SHROOM4: variants seen among roughly 807,000 people sequenced by gnomAD.
SHROOM4 encodes the protein shroom family member 4.
SHROOM4 carries 17 observed loss-of-function variants against 80.3 expected under a neutral mutation model. The ratio of observed to expected loss-of-function variants is 0.21; its 90% CI spans 0.14 to 0.32. The LOEUF (loss-of-function observed/expected upper bound fraction) is 0.32, where lower values mean the gene tolerates loss of function less well. Among genes scored for constraint, SHROOM4 ranks in the 10% least tolerant of loss-of-function variants. The pLI, the probability that SHROOM4 is intolerant of heterozygous loss-of-function variation, is 1.00. For missense variants in SHROOM4, 993 were observed against 1,140.3 expected, an observed-to-expected ratio of 0.87 and a Z score of 1.86; for synonymous variants, 400 against 437.5, an observed-to-expected ratio of 0.91 and a Z score of 1.07.
intron 6 of SHROOM4, among the ~76,000 whole-genome samples, chrX:50,603,212 C>T (rs1199515994): frequency 9.0e-6 from 1 of 111,355 alleles, no homozygotes; most frequent in Non-Finnish European, 1.9e-5. Context: ...TCTATTGGTT[C>T]TCCAAGCCTG....
At chrX:50,711,719 T>A (rs1056326129) in intron 1 of SHROOM4, among the ~76,000 whole-genome samples, 3 of 112,151 alleles carry the variant, frequency 2.7e-5, no homozygotes, top group Non-Finnish European at 3.8e-5. Context: ...ATTAGTAGAA[T>A]CTAGGTGATG....
At chrX:50,636,226 C>T (rs1264582516) in intron 3 of SHROOM4, among the ~76,000 whole-genome samples, 2 of 110,949 alleles carry the variant, frequency 1.8e-5, no homozygotes, top group Admixed American at 1.9e-4. Flanking sequence ...CTTCCAACAA[C>T]TTCCCAGGTG....
chrX:50,686,059 G>T (rs1933063243), intron 2 of SHROOM4, among the ~76,000 whole-genome samples: 1 of 110,847 alleles, frequency 9.0e-6, no homozygotes, highest in Non-Finnish European at 1.9e-5. Context: ...ACAGAGTCTG[G>T]CTCTGTCTTC....
At chrX:50,659,753 C>T (rs1457828604) in intron 2 of SHROOM4, among the ~76,000 whole-genome samples, 1 of 111,616 alleles carries the variant, frequency 9.0e-6, no homozygotes, top group African/African-American at 3.3e-5. Context: ...CCATTTCCAG[C>T]TGTATGTCCT....
At chrX:50,710,051 G>T (rs1245710614) in intron 1 of SHROOM4, among the ~76,000 whole-genome samples, 3 of 112,040 alleles carry the variant, frequency 2.7e-5, no homozygotes, top group African/African-American at 9.7e-5. Context: ...AAAGTCACAG[G>T]CATGTTTGGT....
chrX:50,726,226 C>G, intron 1 of SHROOM4, among the ~76,000 whole-genome samples: 1 of 111,663 alleles, frequency 9.0e-6, no homozygotes. Context: ...TTTCTAAAAG[C>G]GTACAGTATA....
intron 2 of SHROOM4, among the ~76,000 whole-genome samples, chrX:50,678,532 T>C (rs1160973640): frequency 9.0e-6 from 1 of 111,190 alleles, no homozygotes; most frequent in Admixed American, 9.6e-5. Context: ...TTCCTATACA[T>C]TGGGCAGTGG....
At chrX:50,684,644 G>A (rs1289601235) in intron 2 of SHROOM4, among the ~76,000 whole-genome samples, 1 of 111,881 alleles carries the variant, frequency 8.9e-6, no homozygotes, top group Non-Finnish European at 1.9e-5. Context: ...TTCAAAATGG[G>A]AGACTTGAGC....
chrX:50,618,384 C>A (rs1569546622), intron 5 of SHROOM4, among the ~76,000 whole-genome samples: 1 of 60,999 alleles, frequency 1.6e-5, no homozygotes, highest in Admixed American at 2.2e-4. Context: ...TCCTTCCTTC[C>A]TTCCTTCCTT....
chrX:50,603,559 T>C (rs1929531441), intron 6 of SHROOM4, among the ~76,000 whole-genome samples: 1 of 111,364 alleles, frequency 9.0e-6, no homozygotes, highest in Non-Finnish European at 1.9e-5. Context: ...TTCTGGCATA[T>C]TCCCAATGGC....
At position 50,607,728 on chromosome X, in the gene SHROOM4, T is replaced by C. The variant is rs6614552; in HGVS notation, c.3414A>G (p.Glu1138=). 14,580 of 1,112,932 alleles carry C rather than the reference T, an allele frequency of 0.013. 1,063 individuals carry two copies. In the African/African-American group the frequency reaches 0.22, roughly 17 times the overall value. The allele number at this position is 1,112,932 out of a possible 1,213,427, so 91.7% of individuals were successfully genotyped here. A position where few individuals can be genotyped will look rare whatever the true frequency, so the allele number is the denominator to read the frequency against. ...CTTCCTCTTCCTCTTCTTCTTCTTC[T>C]TCCTCCTCCTCCTCCTCCTCCTGTT... ...QKQQEEEEEE[E]EEEEEEEEEE... The change falls in exon 6 of 9, where the codon GAA becomes GAG. Residue 1138 remains glutamate, a synonymous_variant. Transcript: ENST00000376020.
chrX:50,668,464 C>T (rs782699948), intron 2 of SHROOM4, among the ~76,000 whole-genome samples: 1 of 111,963 alleles, frequency 8.9e-6, no homozygotes, highest in South Asian at 3.8e-4. Flanking sequence ...TGGCAGCAAC[C>T]CCCATCACTT....
In SHROOM4 at chrX:50,631,703, T is replaced by C. The variant is rs144984765; in HGVS notation, c.2895+1475A>G. On this transcript the variant is annotated intron_variant, in intron 4 of 8. Transcript: ENST00000376020. Reference sequence around the variant, plus strand: ...AATGTCAATACACAAAATTCAATTATATTTCTATAGACTAGTAATCAAGAA... The same window carrying C: ...AATGTCAATACACAAAATTCAATTACATTTCTATAGACTAGTAATCAAGAA... Among the ~76,000 whole-genome samples the C allele has an allele frequency of 7.7e-3, 864 of 112,332 alleles. 6 individuals carry two copies. The highest frequency in any genetic ancestry group is 0.013 in the Non-Finnish European group (685 of 53,280).
Position 50,700,028 on chromosome X carries a change from T to C in SHROOM4, c.118-4091A>G, listed in dbSNP as rs1159284678. 2.7e-5 allele frequency among the ~76,000 whole-genome samples: 3 copies of C among 111,817 alleles called. No homozygotes were observed. In the Admixed American group the frequency reaches 2.8e-4, roughly 11 times the overall value. ...GCAGCATTAAAAATCAGTGACATGATTGTGAATACCTCTGCCTGCTACAGG... is the reference window on the plus strand; with the variant it reads ...GCAGCATTAAAAATCAGTGACATGACTGTGAATACCTCTGCCTGCTACAGG... On this transcript the variant is annotated intron_variant, in intron 1 of 8. Coordinates refer to ENST00000376020, the MANE Select transcript of SHROOM4 (RefSeq NM_020717.5).
At position 50,727,595 on chromosome X, in the gene SHROOM4, G is replaced by A. The variant is rs1934269816; in HGVS notation, c.118-31658C>T. On this transcript the variant is annotated intron_variant, in intron 1 of 8. Transcript: ENST00000376020. ...CAAGAGCTCATGGTTTTAAAGTGTA[G>A]CACTTCCTCACTTTCTCTCTCTCTT... is the stretch of plus-strand genomic sequence containing the variant. Among the ~76,000 whole-genome samples the A allele has an allele frequency of 2.7e-5, 3 of 111,765 alleles. No individual in the cohort carries two copies. The South Asian group carries it at 1.1e-3, about 42-fold the overall frequency.
At position 50,633,159 on chromosome X, in the gene SHROOM4, C is replaced by G. The variant is rs782768056; in HGVS notation, c.2895+19G>C. Reference sequence around the variant, plus strand: ...AAAGACAATAATGAAGGTTACCCACCCAAGAACCAAGTCCTCACCTGCACT... The same window carrying G: ...AAAGACAATAATGAAGGTTACCCACGCAAGAACCAAGTCCTCACCTGCACT... On this transcript the variant is annotated intron_variant, in intron 4 of 8. Transcript: ENST00000376020. 5 of 1,201,040 alleles carry G rather than the reference C, an allele frequency of 4.2e-6. No individual in the cohort carries two copies. Among genetic ancestry groups the G allele is most frequent in the South Asian group, 1.8e-5 (1 of 55,955 alleles).
At chrX:50,650,979 A>G (rs941291123) in intron 2 of SHROOM4, among the ~76,000 whole-genome samples, 3 of 111,759 alleles carry the variant, frequency 2.7e-5, no homozygotes, top group African/African-American at 6.5e-5. Context: ...TTGCTGTGAG[A>G]GTAGACCAGG....
At chrX:50,757,621 G>A (rs1557268499) in intron 1 of SHROOM4, among the ~76,000 whole-genome samples, 5 of 111,333 alleles carry the variant, frequency 4.5e-5, no homozygotes, top group South Asian at 7.6e-4. Context: ...TCAGGATATC[G>A]AGATCAGCCT....
chrX:50,635,267 G>A lies in SHROOM4; in HGVS notation c.806C>T (p.Ala269Val), dbSNP rs1569546856. The change falls in exon 4 of 9, where the codon GCA becomes GTA. Residue 269 changes from alanine to valine, a missense_variant. Coordinates refer to ENST00000376020, the MANE Select transcript of SHROOM4 (RefSeq NM_020717.5). The part of the protein sequence containing the change: ...QEGYQSGPAK[A>V]VRGPPQPPVR... Reference sequence around the variant, plus strand: ...TGGAGGTTGTGGTGGGCCCCTGACTGCTTTGGCGGGCCCTGACTGGTATCC... The same window carrying A: ...TGGAGGTTGTGGTGGGCCCCTGACTACTTTGGCGGGCCCTGACTGGTATCC... 2 of 1,200,783 alleles carry A rather than the reference G, an allele frequency of 1.7e-6. No individual in the cohort carries two copies. Among genetic ancestry groups the A allele is most frequent in the Non-Finnish European group, 2.2e-6 (2 of 889,909 alleles).
Sources: allele counts gnomAD v4.1 joint callset (sites outside exome capture counted in the v4.1 genomes callset), GRCh38; gene constraint gnomAD v4.1.1; transcripts MANE v1.5; gene names NCBI Gene and HGNC (gene_info 2026-07-23, HGNC 2026-07-21).